Variants in C12orf50 observed in about 807,000 individuals in gnomAD.
The protein encoded by C12orf50 is uncharacterized protein C12orf50.
A neutral mutation model predicts 61.6 loss-of-function variants in C12orf50; 35 were observed. That is an observed-to-expected ratio of 0.57 (90% CI 0.43 to 0.75). C12orf50 has a LOEUF of 0.75. Ranked by LOEUF, C12orf50 falls within the 30% of genes least tolerant of loss-of-function variation. The pLI is 0.00. For synonymous variants in C12orf50, 178 were observed against 161.5 expected (o/e 1.10, Z -0.77); for missense variants, 475 against 488.5 (o/e 0.97, Z 0.26).
rs1034909502 is a variant in C12orf50, at chr12:87,981,997, A to G, written c.1219+1106T>C. Among the ~76,000 whole-genome samples, 12 of 152,058 alleles carry G rather than the reference A, an allele frequency of 7.9e-5. 1 individual carries two copies. Among genetic ancestry groups the G allele is most frequent in the African/African-American group, 2.4e-4 (10 of 41,416 alleles). ...GTGCTGAAGTGACCCTTCCTTTCCT[A>G]AATGTCTTCTGTAATTCATATTTAA... is the stretch of plus-strand genomic sequence containing the variant. On this transcript the variant is annotated intron_variant, in intron 12 of 12. Coordinates refer to ENST00000298699, the MANE Select transcript of C12orf50 (RefSeq NM_152589.3).
chr12:88,018,730 G>A (rs1187797996), intron 3 of C12orf50, among the ~76,000 whole-genome samples: 2 of 152,172 alleles, frequency 1.3e-5, no homozygotes, highest in Non-Finnish European at 2.9e-5. Flanking sequence ...TTGCCTCAGT[G>A]GGACCTGGAT....
intron 3 of C12orf50, among the ~76,000 whole-genome samples, chr12:88,002,458 T>C (rs1210158132): frequency 6.6e-6 from 1 of 151,828 alleles, no homozygotes; most frequent in Non-Finnish European, 1.5e-5. Flanking sequence ...TATTTTACAA[T>C]TGTTAAATGG....
chr12:87,998,401 A>G (rs1403710432), intron 3 of C12orf50, among the ~76,000 whole-genome samples: 1 of 152,156 alleles, frequency 6.6e-6, no homozygotes, highest in Non-Finnish European at 1.5e-5. Context: ...ATCAAAGAGA[A>G]AAAAGTATTT....
chr12:87,997,633 A>C (rs879946281), intron 4 of C12orf50, among the ~76,000 whole-genome samples: 2 of 151,216 alleles, frequency 1.3e-5, no homozygotes, highest in African/African-American at 4.9e-5. Context: ...TCATTGTTCA[A>C]CTCCCACCTA....
upstream of C12orf50, among the ~76,000 whole-genome samples, chr12:88,029,613 T>C (rs547263831): frequency 6.6e-6 from 1 of 152,260 alleles, no homozygotes; most frequent in African/African-American, 2.4e-5. Flanking sequence ...ATATGGACTA[T>C]AAACTAGTTT....
At chr12:87,994,115 G>A (rs2031266377) in intron 7 of C12orf50, among the ~76,000 whole-genome samples, 1 of 151,882 alleles carries the variant, frequency 6.6e-6, no homozygotes, top group South Asian at 2.1e-4. Flanking sequence ...CAGGAGAATA[G>A]CTTGAACTCG....
At chr12:87,997,073 A>G (rs1490551445) in intron 4 of C12orf50, among the ~76,000 whole-genome samples, 6 of 152,130 alleles carry the variant, frequency 3.9e-5, no homozygotes, top group African/African-American at 7.2e-5. Context: ...GTTTTTCTTC[A>G]TGTTTATCTT....
At chr12:87,999,052 CA>C (rs1301104658) in intron 3 of C12orf50, among the ~76,000 whole-genome samples, 1 of 151,878 alleles carries the variant, frequency 6.6e-6, no homozygotes, top group Non-Finnish European at 1.5e-5. Context: ...GATATGACAC[CA>C]AAAGAAAAAG....
intron 3 of C12orf50, among the ~76,000 whole-genome samples, chr12:88,001,544 T>G (rs2136442004): frequency 6.7e-6 from 1 of 149,566 alleles, no homozygotes; most frequent in African/African-American, 2.5e-5. Context: ...TTTTTTTTTT[T>G]GGAAGAATTT....
chr12:87,991,770 T>G (rs531622739), intron 7 of C12orf50, among the ~76,000 whole-genome samples: 9 of 152,298 alleles, frequency 5.9e-5, no homozygotes, highest in African/African-American at 2.2e-4. Context: ...CAGAGCAAGC[T>G]AATCTCAAAG....
At chr12:88,023,685 T>G (rs1273299269) in intron 3 of C12orf50, among the ~76,000 whole-genome samples, 1 of 148,118 alleles carries the variant, frequency 6.8e-6, no homozygotes, top group African/African-American at 2.5e-5. Flanking sequence ...AAAAAAAGAC[T>G]TAAAAAACCC....
At chr12:88,029,425 A>T, upstream of C12orf50, 1 of 164,780 alleles carries the variant, frequency 6.1e-6, no homozygotes, top group East Asian at 1.7e-4. Flanking sequence ...TTGTTACCTA[A>T]TCCATTGTTT....
intron 12 of C12orf50, among the ~76,000 whole-genome samples, chr12:87,982,181 C>T (rs1343864612): frequency 6.6e-6 from 1 of 151,960 alleles, no homozygotes; most frequent in Non-Finnish European, 1.5e-5. Flanking sequence ...CAAGTTTCAC[C>T]CAGGATTTTC....
intron 12 of C12orf50, 149 bp downstream of exon 12, chr12:87,982,954 A>G: frequency 4.7e-6 from 2 of 423,104 alleles, no homozygotes. Context: ...CTAGTAGACA[A>G]GATATCTACT....
At position 87,998,047 on chromosome 12, in the gene C12orf50, C is replaced by T. The variant is rs1250416497; in HGVS notation, c.277G>A (p.Asp93Asn). ...AAGTTCTACTAACCATTTTGTTCAT[C>T]TACTTCCTCTTCTTCCTCAAAATTA... is the stretch of plus-strand genomic sequence containing the variant. ...KTNFEEEEEV[D>N]EQNDASSLWT... The change falls in exon 4 of 13, where the codon GAT (aspartate) becomes AAT (asparagine). Residue 93 changes from aspartate (D) to asparagine (N), a missense_variant. Physicochemically the swap from Asp to Asn is conservative, Grantham distance 23. Coordinates refer to ENST00000298699, the MANE Select transcript of C12orf50 (RefSeq NM_152589.3). 1 of 1,609,596 alleles carries T rather than the reference C, an allele frequency of 6.2e-7. No individual in the cohort carries two copies. The highest frequency in any genetic ancestry group is 2.2e-5 in the East Asian group (1 of 44,726).
At chr12:87,982,886 T>A (rs2030580782) in intron 12 of C12orf50, among the ~76,000 whole-genome samples, 2 of 152,062 alleles carry the variant, frequency 1.3e-5, no homozygotes, top group African/African-American at 4.8e-5. Flanking sequence ...AAAAACGTTT[T>A]TGGGTAACAC....
intron 7 of C12orf50, among the ~76,000 whole-genome samples, chr12:87,993,465 A>G (rs1420127685): frequency 6.6e-6 from 1 of 152,204 alleles, no homozygotes; most frequent in Non-Finnish European, 1.5e-5. Context: ...CAAGGCAACC[A>G]AACAATTACA....
At chr12:87,993,144 T>G (rs144224855) in intron 7 of C12orf50, among the ~76,000 whole-genome samples, 48 of 152,300 alleles carry the variant, frequency 3.2e-4, no homozygotes, top group African/African-American at 8.7e-4. Context: ...CTAACAATAT[T>G]ATTAATATTA....
At chr12:88,026,700 A>G (rs1035096406) in intron 2 of C12orf50, 92 bp from the exon 3 acceptor site, 2 of 1,481,350 alleles carry the variant, frequency 1.4e-6, no homozygotes, top group Non-Finnish European at 9.1e-7. Context: ...GGACACAAAA[A>G]CAATTATAGT....
Sources: gnomAD v4.1 joint callset for allele counts (sites outside exome capture counted in the v4.1 genomes callset) on GRCh38, gnomAD v4.1.1 for gene constraint, MANE v1.5 for transcripts, NCBI Gene and HGNC (gene_info 2026-07-23, HGNC 2026-07-21) for gene names.